STK32C: variants seen among roughly 807,000 people sequenced by gnomAD.
STK32C encodes serine/threonine-protein kinase 32C.
A neutral mutation model predicts 56.5 loss-of-function variants in STK32C; 31 were observed. The ratio of observed to expected loss-of-function variants is 0.55; its 90% CI spans 0.41 to 0.74. STK32C has a LOEUF of 0.74. Among genes scored for constraint, STK32C ranks in the 30% least tolerant of loss-of-function variants. The pLI is 0.00. For synonymous variants in STK32C, 309 were observed against 289.4 expected, an observed-to-expected ratio of 1.07 and a Z score of -0.69; for missense variants, 544 against 676.9, an observed-to-expected ratio of 0.80 and a Z score of 2.18.
intron 1 of STK32C, among the ~76,000 whole-genome samples, chr10:132,318,275 A>AG (rs1554885048): frequency 4.0e-5 from 6 of 150,374 alleles, no homozygotes; most frequent in Admixed American, 1.3e-4. Flanking sequence ...CTCAAAAAAA[A>AG]AGAGAGAGAG....
chr10:132,291,351 T>G (rs1303685250), intron 1 of STK32C, among the ~76,000 whole-genome samples: 1 of 152,210 alleles, frequency 6.6e-6, no homozygotes, highest in Non-Finnish European at 1.5e-5. Flanking sequence ...CCCTTGGATG[T>G]TCTCGATCTG....
upstream of STK32C, among the ~76,000 whole-genome samples, chr10:132,310,500 AC>A (rs1170408198): frequency 6.6e-6 from 1 of 152,072 alleles, no homozygotes; most frequent in African/African-American, 2.4e-5. The surrounding 1 kb of genome is among the most constrained non-coding windows in gnomAD (Gnocchi z 4.6). Context: ...GAGGATGCCA[AC>A]CCCTGGTGCC....
At chr10:132,230,755 G>A (rs1049639451) in intron 2 of STK32C, among the ~76,000 whole-genome samples, 33 of 149,338 alleles carry the variant, frequency 2.2e-4, no homozygotes, top group Admixed American at 3.4e-4. Flanking sequence ...GTCTTCAGCC[G>A]GTCCCAAGCC....
At chr10:132,259,255 G>A (rs2064227413) in intron 1 of STK32C, among the ~76,000 whole-genome samples, 1 of 152,230 alleles carries the variant, frequency 6.6e-6, no homozygotes, top group Admixed American at 6.5e-5. Flanking sequence ...GTAACTTCCT[G>A]ACATGGTTTG....
chr10:132,267,447 G>A (rs142190591), intron 1 of STK32C, among the ~76,000 whole-genome samples: 307 of 152,366 alleles, frequency 2.0e-3, no homozygotes, highest in African/African-American at 7.1e-3. Context: ...GTCAGTGCGT[G>A]TGCATGCATG....
chr10:132,257,638 G>T (rs1490458956), intron 1 of STK32C, among the ~76,000 whole-genome samples: 12 of 136,516 alleles, frequency 8.8e-5, no homozygotes, highest in South Asian at 2.3e-4. Context: ...CCGGCCCCCT[G>T]CCCTGCCCTC....
At chr10:132,263,192 G>A (rs929677260) in intron 1 of STK32C, among the ~76,000 whole-genome samples, 1 of 152,156 alleles carries the variant, frequency 6.6e-6, no homozygotes, top group Non-Finnish European at 1.5e-5. Context: ...ATCAACCCAG[G>A]TGCCCATCCA....
chr10:132,300,830 A>G (rs975640722), intron 1 of STK32C, among the ~76,000 whole-genome samples: 3 of 152,196 alleles, frequency 2.0e-5, no homozygotes, highest in African/African-American at 7.2e-5. Flanking sequence ...GGCTGAGAAG[A>G]CCAAGGTCTC....
At chr10:132,234,717 A>G (rs895152567) in intron 2 of STK32C, among the ~76,000 whole-genome samples, 3 of 152,068 alleles carry the variant, frequency 2.0e-5, no homozygotes. Context: ...CTCTTCTTGC[A>G]TCTCTGGCTG....
At chr10:132,219,602 C>T (rs1194672205) in intron 10 of STK32C, among the ~76,000 whole-genome samples, 1 of 152,240 alleles carries the variant, frequency 6.6e-6, no homozygotes, top group Non-Finnish European at 1.5e-5. Flanking sequence ...AACCTTCCAA[C>T]CATCCTGTGG....
Position 132,225,310 on chromosome 10 carries a change from T to A in STK32C, c.799A>T (p.Asn267Tyr). ...MAPEIFHSFVNGGTGYSFEVD... is the reference protein window; with the variant it reads ...MAPEIFHSFVYGGTGYSFEVD... ...TCGAAGGAGTAGCCGGTCCCGCCGT[T>A]GACAAAAGAGTGGAAGATCTCCGGA... Residue 267 changes from asparagine (N) to tyrosine (Y), a missense_variant, in exon 7 of 12, where the codon AAC (asparagine) becomes TAC (tyrosine). By Grantham distance (143) the Asn-to-Tyr change is moderately radical (BLOSUM62 -2). Around this residue, in one of 3 missense-constraint regions of STK32C, gnomAD observed 277 missense variants for 309.3 expected, o/e 0.90. Coordinates refer to ENST00000298630, the MANE Select transcript of STK32C (RefSeq NM_173575.4). The A allele has an allele frequency of 6.2e-7, 1 of 1,611,988 alleles. No homozygotes were observed. The highest frequency in any genetic ancestry group is 1.7e-5 in the Admixed American group (1 of 59,916).
chr10:132,232,124 C>T (rs898110955), intron 2 of STK32C, among the ~76,000 whole-genome samples: 3 of 152,372 alleles, frequency 2.0e-5, no homozygotes, highest in African/African-American at 7.2e-5. Flanking sequence ...TGCGCCCTCA[C>T]CGGAGCACCT....
intron 1 of STK32C, among the ~76,000 whole-genome samples, chr10:132,299,077 T>A (rs1292016444): frequency 6.9e-6 from 1 of 145,876 alleles, no homozygotes; most frequent in Non-Finnish European, 1.5e-5. Flanking sequence ...AGAGTGGAAC[T>A]GAGACCCCAG....
intron 2 of STK32C, among the ~76,000 whole-genome samples, chr10:132,228,872 T>C (rs1371161544): frequency 1.3e-5 from 2 of 152,154 alleles, no homozygotes; most frequent in Non-Finnish European, 2.9e-5. Context: ...AGAGTGAGCG[T>C]GGGGCTTGGG....
intron 1 of STK32C, among the ~76,000 whole-genome samples, chr10:132,294,049 G>C (rs72856782): frequency 6.6e-6 from 1 of 152,360 alleles, no homozygotes; most frequent in Non-Finnish European, 1.5e-5. Context: ...AGACACTCGA[G>C]TGGCAATGTC....
chr10:132,237,642 T>A (rs184504930), intron 2 of STK32C, among the ~76,000 whole-genome samples: 51 of 152,304 alleles, frequency 3.3e-4, no homozygotes, highest in African/African-American at 1.0e-3. Flanking sequence ...GGAACCTGAG[T>A]GTGCCGGCGG....
At chr10:132,282,567 T>C (rs1159710983) in intron 1 of STK32C, among the ~76,000 whole-genome samples, 1 of 152,182 alleles carries the variant, frequency 6.6e-6, no homozygotes, top group Non-Finnish European at 1.5e-5. Flanking sequence ...AGTTCACTTA[T>C]TTAACCCACA....
chr10:132,249,042 C>T (rs1554984761), intron 1 of STK32C: 1 of 474,644 alleles, frequency 2.1e-6, no homozygotes, highest in Non-Finnish European at 4.2e-6. Flanking sequence ...GCAAAGCCTC[C>T]CGACTGTGCG....
chr10:132,216,401 T>C (rs1046098939), intron 10 of STK32C, among the ~76,000 whole-genome samples: 3 of 150,086 alleles, frequency 2.0e-5, no homozygotes, highest in Admixed American at 2.0e-4. Context: ...GAAGCGGAGG[T>C]TGCAGTGGCA....
Sources: gnomAD v4.1 joint callset for allele counts (sites outside exome capture counted in the v4.1 genomes callset) on GRCh38, gnomAD v4.1.1 for gene constraint, gnomAD v4.1.1 regional missense constraint, Gnocchi (gnomAD v3.1) non-coding constraint, MANE v1.5 for transcripts, NCBI Gene and HGNC (gene_info 2026-07-23, HGNC 2026-07-21) for gene names.